The following GADL1 variants were observed in gnomAD, a reference collection of about 807,000 sequenced individuals.
GADL1 encodes the protein acidic amino acid decarboxylase GADL1.
In GADL1, 71 loss-of-function variants were observed where a neutral mutation model predicts 69.5. The ratio of observed to expected loss-of-function variants is 1.02; its 90% CI spans 0.84 to 1.25. The LOEUF (loss-of-function observed/expected upper bound fraction) is 1.25. Among genes scored for constraint, GADL1 ranks in the 50% most tolerant of loss-of-function variants. The pLI is 0.00. For synonymous variants in GADL1, 254 were observed against 214.4 expected (o/e 1.18, Z -1.62); for missense variants, 737 against 631.8 (o/e 1.17, Z -1.79).
chr3:30,850,135 C>T, intron 5 of GADL1, 24 bp from the exon 6 acceptor site: 1 of 1,275,752 alleles, frequency 7.8e-7, no homozygotes, highest in Non-Finnish European at 1.1e-6. Flanking sequence ...ATTAAAATGG[C>T]ATATTTATAG....
In GADL1 at chr3:30,865,764, C is replaced by T. The variant is rs138189005; in HGVS notation, c.38-3999G>A. Among the ~76,000 whole-genome samples the T allele has an allele frequency of 3.3e-3, 504 of 152,082 alleles. 2 individuals are homozygous for T. The highest frequency in any genetic ancestry group is 0.012 in the African/African-American group (478 of 41,536). On this transcript the variant is annotated intron_variant, in intron 1 of 14. Transcript: ENST00000282538. ...TTCCTTTCCTCTCGATTCTTGTTAC[C>T]GCAGCCACTTTTTCTGTGCCCTTAT... is the stretch of plus-strand genomic sequence containing the variant.
intron 1 of GADL1, among the ~76,000 whole-genome samples, chr3:30,869,910 G>A (rs930045335): frequency 4.6e-5 from 7 of 151,740 alleles, no homozygotes; most frequent in Non-Finnish European, 1.0e-4. Flanking sequence ...TATCCAAAAG[G>A]CATAAAGTTT....
intron 13 of GADL1, among the ~76,000 whole-genome samples, chr3:30,784,229 CA>C (rs1696738424): frequency 6.6e-6 from 1 of 152,180 alleles, no homozygotes; most frequent in African/African-American, 2.4e-5. Flanking sequence ...CAAAACTCCC[CA>C]ACTGTTACAA....
intron 14 of GADL1, among the ~76,000 whole-genome samples, chr3:30,755,488 T>C (rs184923309): frequency 1.1e-3 from 166 of 152,344 alleles, no homozygotes; most frequent in African/African-American, 3.9e-3. Context: ...ACCTGAAAGA[T>C]AAGTGAAGAC....
intron 5 of GADL1, 70 bp downstream of exon 5, chr3:30,850,765 G>A (rs1196596300): frequency 1.2e-6 from 1 of 858,488 alleles, no homozygotes; most frequent in South Asian, 1.5e-5. Context: ...TCTGCAAGGA[G>A]TTGTTCCTCA....
At chr3:30,888,698 A>T (rs1488614506) in intron 1 of GADL1, among the ~76,000 whole-genome samples, 1 of 152,150 alleles carries the variant, frequency 6.6e-6, no homozygotes, top group East Asian at 1.9e-4. Context: ...AACAACAAGG[A>T]GACAGTCTCA....
At chr3:30,771,719 C>T (rs191585591) in intron 14 of GADL1, among the ~76,000 whole-genome samples, 52 of 151,328 alleles carry the variant, frequency 3.4e-4, no homozygotes, top group African/African-American at 1.2e-3. Context: ...TTTTAGTTCA[C>T]AGTCCAAAAA....
At chr3:30,825,064 A>G (rs1163253351) in intron 11 of GADL1, among the ~76,000 whole-genome samples, 2 of 151,966 alleles carry the variant, frequency 1.3e-5, no homozygotes, top group African/African-American at 2.4e-5. Flanking sequence ...ATGATTTTCA[A>G]TCAGCATCAT....
chr3:30,849,048 T>A (rs1337863409), intron 6 of GADL1, among the ~76,000 whole-genome samples: 1 of 152,100 alleles, frequency 6.6e-6, no homozygotes, highest in Non-Finnish European at 1.5e-5. Flanking sequence ...AGGCTAAGAC[T>A]CAAGAGGCCT....
chr3:30,756,033 GGGACTGTGCAGGAGACCTA>G (rs576208502), intron 14 of GADL1, among the ~76,000 whole-genome samples: 40 of 152,244 alleles, frequency 2.6e-4, no homozygotes, highest in African/African-American at 8.7e-4. Context: ...GAGAAACCTT[GGGACTGTGCAGGAGACCTA>G]GGGCTGTGCA....
chr3:30,766,189 C>T (rs1198784480), intron 14 of GADL1, among the ~76,000 whole-genome samples: 2 of 152,252 alleles, frequency 1.3e-5, no homozygotes, highest in East Asian at 3.9e-4. Context: ...GGAAATTGAA[C>T]ATGGGGCACC....
intron 1 of GADL1, among the ~76,000 whole-genome samples, chr3:30,870,104 G>A (rs1018873264): frequency 1.3e-5 from 2 of 151,772 alleles, no homozygotes; most frequent in Admixed American, 6.6e-5. Context: ...TTGAGGTTGA[G>A]CAATGAACAA....
intron 14 of GADL1, among the ~76,000 whole-genome samples, chr3:30,767,017 A>G (rs936308738): frequency 6.6e-6 from 1 of 152,234 alleles, no homozygotes. Context: ...GCTAATGTTT[A>G]TCAAGCATTT....
intron 10 of GADL1, 26 bp downstream of exon 10, chr3:30,834,191 G>T: frequency 6.3e-7 from 1 of 1,593,642 alleles, no homozygotes; most frequent in Non-Finnish European, 8.6e-7. Context: ...ACAAAAGTTG[G>T]CTGTACACCA....
intron 11 of GADL1, among the ~76,000 whole-genome samples, chr3:30,807,753 G>A (rs1476343764): frequency 6.6e-6 from 1 of 152,164 alleles, no homozygotes; most frequent in Non-Finnish European, 1.5e-5. Context: ...GTGCGGCCGG[G>A]TGCAGTAGTG....
intron 1 of GADL1, among the ~76,000 whole-genome samples, chr3:30,864,985 T>G (rs2125538438): frequency 6.6e-6 from 1 of 152,106 alleles, no homozygotes; most frequent in South Asian, 2.1e-4. Context: ...GACTCCTGCT[T>G]AAAGCATTCA....
chr3:30,806,380 G>A (rs773156857), intron 11 of GADL1, among the ~76,000 whole-genome samples: 5 of 152,152 alleles, frequency 3.3e-5, no homozygotes, highest in Admixed American at 6.5e-5. Flanking sequence ...ATTTGTTGGC[G>A]TAATGTGCAA....
At chr3:30,874,083 AT>A (rs1318268200) in intron 1 of GADL1, among the ~76,000 whole-genome samples, 1 of 151,940 alleles carries the variant, frequency 6.6e-6, no homozygotes, top group African/African-American at 2.4e-5. Context: ...AGAAAAATGC[AT>A]TGCTGAGTAG....
rs1391050956 is a variant in GADL1 at position 30,801,003 on chromosome 3, T to C, written c.1136A>G (p.Asp379Gly). 6.2e-7 allele frequency: 1 copy of C among 1,613,876 alleles called. No homozygotes were observed. Among genetic ancestry groups the C allele is most frequent in the African/African-American group, 1.3e-5 (1 of 74,908 alleles). Residue 379 changes from aspartate (D) to glycine (G), a missense_variant, in exon 12 of 15, where the codon GAC becomes GGC. By Grantham distance (94) the Asp-to-Gly change is moderately conservative. Transcript: ENST00000282538. ...KFYDVSYDTG[D>G]KSIQCSRRPD... ...TCTTCTGCTACACTGGATAGACTTG[T>C]CTCCTGTGTCATAGCTCACATCATA...
Sources: allele counts gnomAD v4.1 joint callset (sites outside exome capture counted in the v4.1 genomes callset), GRCh38; gene constraint gnomAD v4.1.1; transcripts MANE v1.5; gene names NCBI Gene and HGNC (gene_info 2026-07-23, HGNC 2026-07-21).